The following TPCN1 variants were observed in gnomAD, a reference collection of about 807,000 sequenced individuals.
TPCN1 encodes two pore segment channel 1.
In TPCN1, 52 loss-of-function variants were observed where a neutral mutation model predicts 108.8. The observed-to-expected ratio is 0.48, with a 90% confidence interval of 0.38 to 0.60. TPCN1 has a LOEUF of 0.60. TPCN1 is among the 20% of genes least tolerant of loss of function. TPCN1 has a pLI of 0.00. For synonymous variants in TPCN1, 446 were observed against 433.7 expected, an observed-to-expected ratio of 1.03 and a Z score of -0.35; for missense variants, 806 against 1,072.8, an observed-to-expected ratio of 0.75 and a Z score of 3.47.
rs1956501085 is a variant in TPCN1, at chr12:113,298,484, A to G, written c.*2408A>G. 1 of 152,256 alleles carries G rather than the reference A, an allele frequency of 6.6e-6. No individual in the cohort carries two copies. The allele number at this position is 152,256 out of a possible 1,614,324, so 9.4% of individuals were successfully genotyped here. On this transcript the variant is annotated 3_prime_UTR_variant, in exon 28 of 28. Coordinates refer to ENST00000335509, the MANE Select transcript of TPCN1 (RefSeq NM_017901.6). ...ACAATCATTTTGTACGGATCACGGGAGCAATGCTGTACGGTTTTGTACACT... is the reference window on the plus strand; with the variant it reads ...ACAATCATTTTGTACGGATCACGGGGGCAATGCTGTACGGTTTTGTACACT...
rs1321755851 is a variant in TPCN1 at position 113,268,717 on chromosome 12, G to A, written c.529-25G>A. ...TGACGGCTGGGCTGCAGGGGCTGACGGTGCTCCATGCCTGCCACCCACAGA... is the reference window on the plus strand; with the variant it reads ...TGACGGCTGGGCTGCAGGGGCTGACAGTGCTCCATGCCTGCCACCCACAGA... On this transcript the variant is annotated intron_variant, in intron 5 of 27. Coordinates refer to ENST00000335509, the MANE Select transcript of TPCN1 (RefSeq NM_017901.6). The surrounding 1 kb of genome is among the most constrained non-coding windows in gnomAD (Gnocchi z 7.3). 2.5e-6 allele frequency: 4 copies of A among 1,611,640 alleles called. No homozygotes were observed. In the South Asian group the frequency reaches 3.3e-5, roughly 13 times the overall value.
intron 11 of TPCN1, 59 bp downstream of exon 11, chr12:113,277,094 A>G: frequency 6.3e-7 from 1 of 1,595,084 alleles, no homozygotes; most frequent in Non-Finnish European, 8.6e-7. Context: ...TGCCCAGAGC[A>G]GCCCCTAAGC....
At chr12:113,230,561 C>T (rs1279082701) in intron 2 of TPCN1, among the ~76,000 whole-genome samples, 1 of 152,160 alleles carries the variant, frequency 6.6e-6, no homozygotes, top group Non-Finnish European at 1.5e-5. Context: ...GATAAAGACA[C>T]CAGTCCTATT....
intron 2 of TPCN1, among the ~76,000 whole-genome samples, chr12:113,227,996 A>G (rs1160541536): frequency 6.6e-6 from 1 of 152,224 alleles, no homozygotes; most frequent in East Asian, 1.9e-4. Context: ...TGGATTGCCC[A>G]GAAGGATTCG....
chr12:113,256,892 T>G (rs1954847844), intron 2 of TPCN1, among the ~76,000 whole-genome samples: 1 of 152,174 alleles, frequency 6.6e-6, no homozygotes, highest in East Asian at 1.9e-4. Flanking sequence ...TTGGCCTTCA[T>G]CAAAATTTGT....
chr12:113,242,211 A>G lies in TPCN1; in HGVS notation c.112+15247A>G, dbSNP rs75209309. Among the ~76,000 whole-genome samples, 1,300 of 152,340 alleles carry G rather than the reference A, an allele frequency of 8.5e-3. 26 individuals carry two copies. Among genetic ancestry groups the G allele is most frequent in the East Asian group, 0.057 (293 of 5,184 alleles). On this transcript the variant is annotated intron_variant, in intron 2 of 27. Transcript: ENST00000335509. Reference sequence around the variant, plus strand: ...GGAAAAGGAACTTGCGGTTTTGCCCATGCAGAATGTTTGCAGATGGGTTAG... The same window carrying G: ...GGAAAAGGAACTTGCGGTTTTGCCCGTGCAGAATGTTTGCAGATGGGTTAG...
chr12:113,293,445 G>C, intron 27 of TPCN1, 96 bp downstream of exon 27: 2 of 1,178,936 alleles, frequency 1.7e-6, no homozygotes, highest in Non-Finnish European at 2.5e-6. Context: ...AGAGGGAGAA[G>C]GCTGGTAGAG....
chr12:113,226,028 G>A (rs1186947956), intron 1 of TPCN1, among the ~76,000 whole-genome samples: 1 of 150,340 alleles, frequency 6.7e-6, no homozygotes, highest in East Asian at 1.9e-4. Flanking sequence ...ATTTATTTTT[G>A]TATGTTAAAT....
chr12:113,293,124 G>A (rs181245153), intron 26 of TPCN1, 51 bp downstream of exon 26: 10 of 1,602,364 alleles, frequency 6.2e-6, no homozygotes, highest in Middle Eastern at 3.3e-4. Flanking sequence ...TTCAGTGTGG[G>A]TGGCATAATC....
intron 25 of TPCN1, 125 bp downstream of exon 25, chr12:113,292,083 T>C (rs1359181004): frequency 5.2e-6 from 4 of 769,190 alleles, no homozygotes; most frequent in South Asian, 4.3e-5. Flanking sequence ...CTGTCCAGCT[T>C]ATCTATCTGG....
chr12:113,256,893 CA>C (rs1671890547), intron 2 of TPCN1, among the ~76,000 whole-genome samples: 1 of 152,200 alleles, frequency 6.6e-6, no homozygotes, highest in African/African-American at 2.4e-5. Context: ...TGGCCTTCAT[CA>C]AAATTTGTAA....
chr12:113,291,538 G>A, intron 23 of TPCN1, 71 bp from the exon 24 acceptor site: 1 of 1,352,832 alleles, frequency 7.4e-7, no homozygotes, highest in Non-Finnish European at 1.0e-6. Context: ...CGGGGCCATG[G>A]AGCAGCCTGT....
chr12:113,251,846 G>A (rs147896543), intron 2 of TPCN1, among the ~76,000 whole-genome samples: 3 of 152,358 alleles, frequency 2.0e-5, no homozygotes, highest in Admixed American at 6.5e-5. Context: ...GGCCTTACCC[G>A]ATTGATTCAT....
At chr12:113,292,010 T>C in intron 25 of TPCN1, 52 bp downstream of exon 25, 1 of 1,465,596 alleles carries the variant, frequency 6.8e-7, no homozygotes, top group African/African-American at 1.4e-5. Flanking sequence ...CCTACCCAGC[T>C]CTGTCTGTCT....
intron 12 of TPCN1, 147 bp downstream of exon 12, chr12:113,277,511 C>T (rs1955717115): frequency 5.1e-6 from 5 of 972,758 alleles, no homozygotes; most frequent in Middle Eastern, 2.3e-4. Context: ...TGTAGACTTA[C>T]ACACTGGATT....
At position 113,260,435 on chromosome 12, in the gene TPCN1, C is replaced by G; in HGVS notation, c.180C>G (p.Pro60=). Residue 60 remains proline, a synonymous_variant, in exon 3 of 28, where the codon CCC becomes CCG. Transcript: ENST00000335509. ...PSLSSGGESS[P]SSPAHNWEMN... ...TCAGCTCTGGGGGTGAGAGTTCCCC[C>G]TCCAGCCCCGCACACAACTGGGAGA... The G allele has an allele frequency of 6.4e-7, 1 of 1,557,992 alleles. No homozygotes were observed. The highest frequency in any genetic ancestry group is 8.6e-7 in the Non-Finnish European group (1 of 1,156,426).
At chr12:113,244,140 AGGT>A (rs1170023100) in intron 2 of TPCN1, 1 of 220,786 alleles carries the variant, frequency 4.5e-6, no homozygotes, top group Admixed American at 6.5e-5. Context: ...GGTCCCTTTC[AGGT>A]GGCCGGAAAC....
intron 14 of TPCN1, among the ~76,000 whole-genome samples, chr12:113,279,456 G>A (rs1304835993): frequency 3.0e-5 from 4 of 134,854 alleles, no homozygotes; most frequent in Admixed American, 8.1e-5. Flanking sequence ...CTGGAGTGCC[G>A]TGGTGCGATC....
Position 113,284,885 on chromosome 12 carries a change from G to A in TPCN1, c.1453+114G>A, listed in dbSNP as rs1430638683. 24 of 1,182,506 alleles carry A rather than the reference G, an allele frequency of 2.0e-5. No homozygotes were observed. Among genetic ancestry groups the A allele is most frequent in the Admixed American group, 3.6e-5 (2 of 55,120 alleles). 73.3% of individuals were successfully genotyped at this position (1,182,506 alleles called of 1,614,324 possible). A position where few individuals can be genotyped will look rare whatever the true frequency, so the allele number is the denominator to read the frequency against. ...CTAAAACAGGAAGCTATAAAGAGAC[G>A]GAGTAATCAGTCTGATTCCATCTCG... On this transcript the variant is annotated intron_variant, in intron 17 of 27. Coordinates refer to ENST00000335509, the MANE Select transcript of TPCN1 (RefSeq NM_017901.6). The surrounding 1 kb of genome is among the most constrained non-coding windows in gnomAD (Gnocchi z 4.1).
Sources: allele counts gnomAD v4.1 joint callset (sites outside exome capture counted in the v4.1 genomes callset), GRCh38; gene constraint gnomAD v4.1.1; non-coding constraint Gnocchi (gnomAD v3.1); transcripts MANE v1.5; gene names NCBI Gene and HGNC (gene_info 2026-07-23, HGNC 2026-07-21).